The following PCSK5 variants were observed in gnomAD, a reference collection of about 807,000 sequenced individuals.
The protein encoded by PCSK5 is proprotein convertase subtilisin/kexin type 5.
PCSK5 carries 129 observed loss-of-function variants against 233.2 expected under a neutral mutation model. The ratio of observed to expected loss-of-function variants is 0.55; its 90% CI spans 0.48 to 0.64. The LOEUF (loss-of-function observed/expected upper bound fraction) is 0.64, where lower values mean the gene tolerates loss of function less well. PCSK5 is among the 30% of genes least tolerant of loss of function. PCSK5 has a pLI of 0.00. For missense variants in PCSK5, 2,076 were observed against 2,430.1 expected, an observed-to-expected ratio of 0.85 and a Z score of 3.06; for synonymous variants, 825 against 879.2, an observed-to-expected ratio of 0.94 and a Z score of 1.09.
chr9:76,200,081 C>T (rs1457161022), intron 20 of PCSK5, among the ~76,000 whole-genome samples: 1 of 152,038 alleles, frequency 6.6e-6, no homozygotes, highest in Non-Finnish European at 1.5e-5. Context: ...AACCAGCTCC[C>T]AGACTTCTCC....
intron 20 of PCSK5, among the ~76,000 whole-genome samples, chr9:76,192,067 CAAAAAAAAAAA>C (rs5898457): frequency 9.9e-6 from 1 of 101,228 alleles, no homozygotes; most frequent in Non-Finnish European, 1.9e-5. Flanking sequence ...AAGACTGTCT[CAAAAAAAAAAA>C]AAAAAAAAAG....
intron 9 of PCSK5, among the ~76,000 whole-genome samples, chr9:76,124,873 T>G (rs1832784340): frequency 1.3e-5 from 2 of 152,152 alleles, no homozygotes; most frequent in Admixed American, 6.5e-5. Context: ...CCTTTGCTTT[T>G]GCTAATACCA....
intron 5 of PCSK5, among the ~76,000 whole-genome samples, chr9:76,038,274 T>TAGGC (rs1828947757): frequency 6.6e-6 from 1 of 152,192 alleles, no homozygotes; most frequent in Admixed American, 6.6e-5. Flanking sequence ...TCCTGATACC[T>TAGGC]TGATCTTCCC....
At chr9:76,279,588 T>TTA (rs1204408175) in intron 24 of PCSK5, among the ~76,000 whole-genome samples, 1 of 151,650 alleles carries the variant, frequency 6.6e-6, no homozygotes, top group Non-Finnish European at 1.5e-5. Flanking sequence ...TTTCCTGACT[T>TTA]TTTAATGATT....
chr9:76,225,738 G>A lies in PCSK5; in HGVS notation c.2627-1765G>A, dbSNP rs532509237. ...AAATCACCACTCCTGCTAGATGGAG[G>A]TCACAGCTTTTTTCTGTCTCAGGGC... On this transcript the variant is annotated intron_variant, in intron 20 of 37. Coordinates refer to ENST00000674117, the MANE Select transcript of PCSK5 (RefSeq NM_001372043.1). Among the ~76,000 whole-genome samples, 3 of 152,328 alleles carry A rather than the reference G, an allele frequency of 2.0e-5. No homozygotes were observed. The South Asian group carries it at 6.2e-4, about 32-fold the overall frequency.
intron 7 of PCSK5, among the ~76,000 whole-genome samples, chr9:76,078,219 C>G (rs1830705917): frequency 6.6e-6 from 1 of 152,138 alleles, no homozygotes; most frequent in South Asian, 2.1e-4. Flanking sequence ...TGAATATGTT[C>G]TCCCATTCTG....
At chr9:75,903,589 A>AT (rs201890432) in intron 1 of PCSK5, among the ~76,000 whole-genome samples, 18,201 of 128,476 alleles carry the variant, frequency 0.14, 1,626 homozygotes, top group Middle Eastern at 0.19. Context: ...TATATATATA[A>AT]AATATATATT....
At chr9:76,263,392 T>C (rs1348205920) in intron 24 of PCSK5, among the ~76,000 whole-genome samples, 1 of 152,086 alleles carries the variant, frequency 6.6e-6, no homozygotes, top group Non-Finnish European at 1.5e-5. Context: ...TGTCCAACAA[T>C]GATAGACTGG....
chr9:76,190,150 G>A lies in PCSK5; in HGVS notation c.2626+404G>A, dbSNP rs551533524. 4.6e-5 allele frequency among the ~76,000 whole-genome samples: 7 copies of A among 152,234 alleles called. No individual in the cohort carries two copies. In the East Asian group the frequency reaches 1.4e-3, roughly 29 times the overall value. On this transcript the variant is annotated intron_variant, in intron 20 of 37. Coordinates refer to ENST00000674117, the MANE Select transcript of PCSK5 (RefSeq NM_001372043.1). ...ATTTGTTACAGTTGATAAACCTACA[G>A]TGACACATCATTATCACCCAAAGTC...
rs1358206264 is a variant in PCSK5 at position 75,890,999 on chromosome 9, C to G, written c.-183C>G. The G allele has an allele frequency of 2.1e-6, 1 of 476,634 alleles. No individual in the cohort carries two copies. Among genetic ancestry groups the G allele is most frequent in the Admixed American group, 4.4e-5 (1 of 22,668 alleles). The allele number at this position is 476,634 out of a possible 1,614,324, so 29.5% of individuals were successfully genotyped here. ...GCAGCCCCAGGGATGGTCTAGGAGC[C>G]GGCGTAAGGCTCGCTGCTCTGCTCC... On this transcript the variant is annotated 5_prime_UTR_variant, in exon 1 of 38. Coordinates refer to ENST00000674117, the MANE Select transcript of PCSK5 (RefSeq NM_001372043.1).
intron 20 of PCSK5, among the ~76,000 whole-genome samples, chr9:76,211,150 C>T (rs1279101562): frequency 1.3e-5 from 2 of 152,160 alleles, no homozygotes; most frequent in African/African-American, 4.8e-5. Flanking sequence ...GAAACCACTA[C>T]TTTATGGAAG....
chr9:75,994,510 C>T (rs765056544), intron 3 of PCSK5, among the ~76,000 whole-genome samples: 2 of 142,548 alleles, frequency 1.4e-5, no homozygotes, highest in African/African-American at 2.6e-5. Flanking sequence ...CTGCAACCTC[C>T]GCCTCCTGGG....
At chr9:76,138,903 A>G (rs1483584868) in intron 10 of PCSK5, among the ~76,000 whole-genome samples, 1 of 151,836 alleles carries the variant, frequency 6.6e-6, no homozygotes, top group Admixed American at 6.6e-5. Context: ...CTTTTTTTCT[A>G]CCAGCATGTT....
chr9:76,293,649 C>T (rs1828345527), intron 25 of PCSK5, among the ~76,000 whole-genome samples: 1 of 152,194 alleles, frequency 6.6e-6, no homozygotes, highest in African/African-American at 2.4e-5. Flanking sequence ...AGGGTTTCGC[C>T]ATGTTGGCCA....
At chr9:76,356,081 G>A (rs1024804502) in intron 37 of PCSK5, among the ~76,000 whole-genome samples, 1 of 152,056 alleles carries the variant, frequency 6.6e-6, no homozygotes, top group Non-Finnish European at 1.5e-5. Flanking sequence ...CCACCCCCAC[G>A]AGCAGCTGGT....
At chr9:75,959,546 A>G (rs1825249072) in intron 2 of PCSK5, among the ~76,000 whole-genome samples, 1 of 152,158 alleles carries the variant, frequency 6.6e-6, no homozygotes, top group South Asian at 2.1e-4. Context: ...ATGTAATTCG[A>G]TGATCCCCCC....
At chr9:76,327,503 C>T (rs901559521) in intron 32 of PCSK5, among the ~76,000 whole-genome samples, 2 of 152,178 alleles carry the variant, frequency 1.3e-5, no homozygotes, top group Non-Finnish European at 2.9e-5. Context: ...CTATTACATG[C>T]CAGGCCCTCT....
intron 7 of PCSK5, among the ~76,000 whole-genome samples, chr9:76,095,304 A>C (rs1276191021): frequency 6.6e-6 from 1 of 152,186 alleles, no homozygotes; most frequent in Admixed American, 6.5e-5. Context: ...GCATAGAGGC[A>C]TAACCTCTCT....
At chr9:76,298,006 T>C (rs2131417874) in intron 27 of PCSK5, among the ~76,000 whole-genome samples, 1 of 152,316 alleles carries the variant, frequency 6.6e-6, no homozygotes, top group East Asian at 1.9e-4. Context: ...GATTGGGCTA[T>C]CTTCTGTGAG....
Sources: allele counts gnomAD v4.1 joint callset (sites outside exome capture counted in the v4.1 genomes callset), GRCh38; gene constraint gnomAD v4.1.1; transcripts MANE v1.5; gene names NCBI Gene and HGNC (gene_info 2026-07-23, HGNC 2026-07-21).